The following SLC35F4 variants were observed in gnomAD, a reference collection of about 807,000 sequenced individuals.
The protein encoded by SLC35F4 is solute carrier family 35 member F4.
A neutral mutation model predicts 44.2 loss-of-function variants in SLC35F4; 24 were observed. The observed-to-expected ratio is 0.54, with a 90% CI of 0.39 to 0.76. The LOEUF (loss-of-function observed/expected upper bound fraction) is 0.76. SLC35F4 is among the 30% of genes least tolerant of loss of function. The probability of loss-of-function intolerance (pLI) is 0.00; values close to 1 mark genes in which losing one functional copy is unlikely to be tolerated. For synonymous variants in SLC35F4, 238 were observed against 223.6 expected, an observed-to-expected ratio of 1.06 and a Z score of -0.57; for missense variants, 562 against 586.1, an observed-to-expected ratio of 0.96 and a Z score of 0.42.
At chr14:57,628,197 G>A (rs952750899) in intron 1 of SLC35F4, among the ~76,000 whole-genome samples, 1 of 149,566 alleles carries the variant, frequency 6.7e-6, no homozygotes, top group African/African-American at 2.5e-5. Flanking sequence ...TCCTATTTAC[G>A]AGTTGTACAG....
rs991549961 is a variant in SLC35F4 at position 57,836,289 on chromosome 14, TATTG to T, written c.103+29430_103+29433del. ...AACATTGAAATTTTATTTTTTATTT[TATTG>T]ATTGATTGATTGATTGATTTGAGAT... is the stretch of plus-strand genomic sequence containing the variant. On this transcript the variant is annotated intron_variant, in intron 1 of 7. Transcript: ENST00000556826. 2.0e-4 allele frequency among the ~76,000 whole-genome samples: 30 copies of T among 152,302 alleles called. No homozygotes were observed. The South Asian group carries it at 2.3e-3, about 12-fold the overall frequency.
intron 1 of SLC35F4, among the ~76,000 whole-genome samples, chr14:57,809,417 C>T (rs1881712660): frequency 6.6e-6 from 1 of 152,132 alleles, no homozygotes; most frequent in Non-Finnish European, 1.5e-5. Flanking sequence ...CTAAATAACT[C>T]CATGCCCTCT....
chr14:57,760,797 T>C (rs932234171), intron 1 of SLC35F4, among the ~76,000 whole-genome samples: 4 of 152,204 alleles, frequency 2.6e-5, no homozygotes, highest in Admixed American at 1.3e-4. Flanking sequence ...TTATTTCCAG[T>C]ACTGTGTGAG....
intron 1 of SLC35F4, among the ~76,000 whole-genome samples, chr14:57,909,928 T>C (rs1889184865): frequency 6.6e-6 from 1 of 152,208 alleles, no homozygotes; most frequent in South Asian, 2.1e-4. Context: ...CTATTTTCAT[T>C]CCTGTCAGCA....
At chr14:57,944,791 G>A (rs562550510) in intron 1 of SLC35F4, among the ~76,000 whole-genome samples, 1 of 151,526 alleles carries the variant, frequency 6.6e-6, no homozygotes, top group Non-Finnish European at 1.5e-5. Flanking sequence ...AAGAAAAGAA[G>A]AAAGAAAAAA....
intron 7 of SLC35F4, among the ~76,000 whole-genome samples, chr14:57,564,583 A>G (rs1287457567): frequency 6.6e-6 from 1 of 152,080 alleles, no homozygotes; most frequent in Non-Finnish European, 1.5e-5. Flanking sequence ...CTTAAATTCC[A>G]TGTAATCTGA....
At chr14:57,917,223 A>G (rs991498851) in intron 1 of SLC35F4, among the ~76,000 whole-genome samples, 6 of 151,708 alleles carry the variant, frequency 4.0e-5, no homozygotes, top group African/African-American at 1.2e-4. Flanking sequence ...ACCACTCCCC[A>G]CTAATTTTTG....
intron 1 of SLC35F4, among the ~76,000 whole-genome samples, chr14:57,936,066 A>AT (rs1007509927): frequency 6.6e-5 from 10 of 152,188 alleles, no homozygotes; most frequent in Non-Finnish European, 1.5e-4. Context: ...ACAGACCTCA[A>AT]TTTAAGCCTT....
chr14:57,612,178 A>G (rs238398), intron 1 of SLC35F4, among the ~76,000 whole-genome samples: 107,333 of 151,890 alleles, frequency 0.71, 38,737 homozygotes, highest in Middle Eastern at 0.8. Context: ...TTGAGCCCAG[A>G]AGTTGGAGGC....
chr14:57,816,078 T>G (rs1882547671), intron 1 of SLC35F4, among the ~76,000 whole-genome samples: 1 of 152,164 alleles, frequency 6.6e-6, no homozygotes, highest in African/African-American at 2.4e-5. Context: ...CATTGTTCTT[T>G]CAAGACACAT....
At chr14:57,796,447 A>G (rs1268907794) in intron 1 of SLC35F4, among the ~76,000 whole-genome samples, 3 of 152,242 alleles carry the variant, frequency 2.0e-5, no homozygotes, top group Non-Finnish European at 2.9e-5. Flanking sequence ...TAAAATTTGT[A>G]TACAATCTTT....
intron 1 of SLC35F4, among the ~76,000 whole-genome samples, chr14:57,650,905 T>C (rs2073755718): frequency 6.6e-6 from 1 of 152,200 alleles, no homozygotes; most frequent in African/African-American, 2.4e-5. Context: ...CCTCAGCTCC[T>C]GGCATGGCTG....
chr14:57,834,026 A>G (rs1884656041), intron 1 of SLC35F4, among the ~76,000 whole-genome samples: 1 of 152,228 alleles, frequency 6.6e-6, no homozygotes, highest in African/African-American at 2.4e-5. Context: ...TGAAACACAA[A>G]TGAAACAACC....
intron 1 of SLC35F4, among the ~76,000 whole-genome samples, chr14:57,949,941 G>T (rs1476025374): frequency 6.6e-6 from 1 of 152,076 alleles, no homozygotes; most frequent in African/African-American, 2.4e-5. Context: ...TGATGCTTTT[G>T]TTTCACAGGT....
chr14:57,658,246 T>G (rs1176933226), intron 1 of SLC35F4, among the ~76,000 whole-genome samples: 2 of 152,218 alleles, frequency 1.3e-5, no homozygotes, highest in African/African-American at 4.8e-5. Context: ...ATACTATTTT[T>G]CAGAGAAGCA....
intron 1 of SLC35F4, among the ~76,000 whole-genome samples, chr14:57,964,808 G>A (rs1890404604): frequency 6.6e-6 from 1 of 151,738 alleles, no homozygotes; most frequent in Non-Finnish European, 1.5e-5. Flanking sequence ...GCAGAGGGAG[G>A]GAAATTACAA....
Position 57,909,541 on chromosome 14 carries a change from TACACACACACACACAC to T in SLC35F4, n.282+72356_282+72371del, listed in dbSNP as rs56024301. 7.1e-4 allele frequency among the ~76,000 whole-genome samples: 106 copies of T among 148,648 alleles called. 1 individual carries two copies. The highest frequency in any genetic ancestry group is 1.1e-3 in the Non-Finnish European group (76 of 66,826). Reference sequence around the variant, plus strand: ...TTCTAAAATGTCATACAGTTGGAAATACACACACACACACACACACACACACACACACACAAACACA... The same window carrying T: ...TTCTAAAATGTCATACAGTTGGAAATACACACACACACACACACAAACACA... On this transcript the variant is annotated intron_variant and non_coding_transcript_variant, in intron 1 of 1. Coordinates refer to the SLC35F4 transcript ENST00000556568.
intron 1 of SLC35F4, among the ~76,000 whole-genome samples, chr14:57,938,842 G>A (rs940114161): frequency 6.6e-6 from 1 of 152,188 alleles, no homozygotes; most frequent in African/African-American, 2.4e-5. Context: ...TGGGGTTTGT[G>A]ACAGAAGGGC....
intron 1 of SLC35F4, among the ~76,000 whole-genome samples, chr14:57,814,546 A>C (rs1882350239): frequency 6.6e-6 from 1 of 152,256 alleles, no homozygotes; most frequent in Non-Finnish European, 1.5e-5. Flanking sequence ...ACTCATTCCT[A>C]ACAGTAGTTT....
Sources: allele counts gnomAD v4.1 joint callset (sites outside exome capture counted in the v4.1 genomes callset), GRCh38; gene constraint gnomAD v4.1.1; transcripts MANE v1.5; gene names NCBI Gene and HGNC (gene_info 2026-07-23, HGNC 2026-07-21).